The following IL5 variants were observed in gnomAD, a reference collection of about 807,000 sequenced individuals.
IL5 encodes the protein interleukin-5.
In IL5, 12 loss-of-function variants were observed where a neutral mutation model predicts 16.3. The observed-to-expected ratio is 0.74, with a 90% confidence interval of 0.47 to 1.20. IL5 has a LOEUF of 1.20. Ranked by LOEUF, IL5 falls within the 50% of genes most tolerant of loss-of-function variation. The pLI, the probability that IL5 is intolerant of heterozygous loss-of-function variation, is 0.00. For missense variants in IL5, 159 were observed against 153.9 expected, an observed-to-expected ratio of 1.03 and a Z score of -0.17; for synonymous variants, 54 against 56.6, an observed-to-expected ratio of 0.95 and a Z score of 0.21.
At chr5:132,547,066 A>G (rs752537602), upstream of IL5, among the ~76,000 whole-genome samples, 2 of 152,172 alleles carry the variant, frequency 1.3e-5, no homozygotes, top group Non-Finnish European at 2.9e-5. Context: ...ACTCCAAATA[A>G]AAGTTAATGA....
In IL5 at chr5:132,543,429, A is replaced by G. The variant is rs748593806; in HGVS notation, c.50T>C (p.Val17Ala). 1.2e-6 allele frequency: 2 copies of G among 1,614,146 alleles called. No homozygotes were observed. The highest frequency in any genetic ancestry group is 1.1e-5 in the South Asian group (1 of 91,086). ...LSLLALGAAYVYAIPTEIPTS... is the reference protein window; with the variant it reads ...LSLLALGAAYAYAIPTEIPTS... ...GGGAATTTCTGTGGGGATGGCATAC[A>G]CGTAGGCAGCTCCAAGAGCTAGCAA... is the stretch of plus-strand genomic sequence containing the variant. Residue 17 changes from valine (V) to alanine (A), a missense_variant, in exon 1 of 4, where the codon GTG (valine) becomes GCG (alanine). Transcript: ENST00000231454.
upstream of IL5, among the ~76,000 whole-genome samples, chr5:132,545,278 C>A (rs1038274105): frequency 2.6e-5 from 4 of 152,112 alleles, no homozygotes; most frequent in Admixed American, 1.3e-4. Flanking sequence ...GAAGTTAGGG[C>A]TTAGGTGAAA....
intron 1 of IL5, among the ~76,000 whole-genome samples, chr5:132,551,282 C>A (rs1435280668): frequency 6.6e-6 from 1 of 152,198 alleles, no homozygotes; most frequent in Non-Finnish European, 1.5e-5. Flanking sequence ...CATTAGAAAT[C>A]ATCTATCAGC....
chr5:132,547,344 G>C (rs1749810896), upstream of IL5, among the ~76,000 whole-genome samples: 1 of 152,176 alleles, frequency 6.6e-6, no homozygotes, highest in African/African-American at 2.4e-5. Flanking sequence ...TGATAAGAAA[G>C]GAACTTTATC....
chr5:132,555,573 T>C (rs1044934146), intron 1 of IL5, among the ~76,000 whole-genome samples: 5 of 152,198 alleles, frequency 3.3e-5, no homozygotes, highest in Non-Finnish European at 5.9e-5. Flanking sequence ...TGGAGTGCAG[T>C]GGTGCGGTCT....
chr5:132,553,103 T>C (rs1268011601), intron 1 of IL5, among the ~76,000 whole-genome samples: 2 of 152,152 alleles, frequency 1.3e-5, no homozygotes, highest in Non-Finnish European at 2.9e-5. Flanking sequence ...ATGCATTCCA[T>C]TGGGGTGGTA....
At chr5:132,551,820 A>G (rs539414084) in intron 1 of IL5, among the ~76,000 whole-genome samples, 34 of 152,332 alleles carry the variant, frequency 2.2e-4, no homozygotes, top group African/African-American at 7.9e-4. Context: ...AATATGTTCT[A>G]CGAACTTGTC....
At chr5:132,553,870 C>T (rs1326168247) in intron 1 of IL5, among the ~76,000 whole-genome samples, 1 of 134,160 alleles carries the variant, frequency 7.5e-6, no homozygotes, top group Non-Finnish European at 1.5e-5. Flanking sequence ...ACCCGGGAGG[C>T]GGAGCTTCCA....
At chr5:132,552,325 A>T (rs995416920) in intron 1 of IL5, among the ~76,000 whole-genome samples, 1 of 152,228 alleles carries the variant, frequency 6.6e-6, no homozygotes, top group Admixed American at 6.5e-5. Context: ...GTTCTCTATT[A>T]GGTATAAAAC....
chr5:132,547,626 A>G (rs1297117891), upstream of IL5, among the ~76,000 whole-genome samples: 1 of 152,216 alleles, frequency 6.6e-6, no homozygotes, highest in African/African-American at 2.4e-5. Context: ...GGAGTTTAGT[A>G]ATGTACCAAT....
chr5:132,543,703 C>G, upstream of IL5: 1 of 374,688 alleles, frequency 2.7e-6, no homozygotes, highest in Non-Finnish European at 4.7e-6. Context: ...TGTTTCCCCC[C>G]TTTAAAAACA....
chr5:132,549,597 TTTGA>T (rs1749850113), intron 1 of IL5, among the ~76,000 whole-genome samples: 1 of 152,240 alleles, frequency 6.6e-6, no homozygotes, highest in South Asian at 2.1e-4. Context: ...AAAAAAGCAC[TTTGA>T]TTAATATTGA....
At chr5:132,550,807 A>C (rs1749871995) in intron 1 of IL5, among the ~76,000 whole-genome samples, 1 of 152,234 alleles carries the variant, frequency 6.6e-6, no homozygotes, top group Admixed American at 6.5e-5. Context: ...GAAGTGACGC[A>C]GAAGCAGTGG....
upstream of IL5, chr5:132,543,690 C>T: frequency 2.5e-6 from 1 of 397,404 alleles, no homozygotes; most frequent in Non-Finnish European, 4.4e-6. Context: ...TAATAAAAAT[C>T]CCTGTTTCCC....
At chr5:132,543,571 T>C (rs1749737987), upstream of IL5, 7 of 1,318,020 alleles carry the variant, frequency 5.3e-6, no homozygotes, top group East Asian at 1.4e-4. Flanking sequence ...TTTGAGGAAA[T>C]GAATAATTTC....
chr5:132,543,072 A>G, intron 2 of IL5, 22 bp downstream of exon 2: 1 of 1,538,982 alleles, frequency 6.5e-7, no homozygotes, highest in Admixed American at 1.7e-5. Context: ...CCATCATTTT[A>G]CTGAATCATA....
At chr5:132,549,264 C>T (rs1202557452) in intron 1 of IL5, among the ~76,000 whole-genome samples, 3 of 152,160 alleles carry the variant, frequency 2.0e-5, no homozygotes, top group Admixed American at 1.3e-4. Context: ...CCATCTTGGC[C>T]AGGCTGGTCT....
rs111763340 is a variant in IL5 at position 132,548,729 on chromosome 5, C to T, written c.43-5603G>A. Among the ~76,000 whole-genome samples, 1,065 of 152,288 alleles carry T rather than the reference C, an allele frequency of 7.0e-3. 16 individuals carry two copies. Among genetic ancestry groups the T allele is most frequent in the African/African-American group, 0.023 (974 of 41,538 alleles). ...ATCCAGGATTGGTGCTCACCTTGTA[C>T]CTTGAGCTACCGGGATAAACTCCAG... On this transcript the variant is annotated intron_variant, in intron 1 of 2. Coordinates refer to the IL5 transcript ENST00000450655.
intron 1 of IL5, among the ~76,000 whole-genome samples, chr5:132,551,201 A>T (rs1183131574): frequency 6.6e-6 from 1 of 152,258 alleles, no homozygotes; most frequent in Non-Finnish European, 1.5e-5. Flanking sequence ...CATATGCCTA[A>T]ATTTACCAGC....
Sources: gnomAD v4.1 joint callset for allele counts (sites outside exome capture counted in the v4.1 genomes callset) on GRCh38, gnomAD v4.1.1 for gene constraint, MANE v1.5 for transcripts, NCBI Gene and HGNC (gene_info 2026-07-23, HGNC 2026-07-21) for gene names.